The following KCNB2 variants were observed in gnomAD, a reference collection of about 807,000 sequenced individuals.
KCNB2 encodes delayed rectifier potassium channel protein.
Under a neutral mutation model 61.5 loss-of-function variants are expected in KCNB2, and 15 were observed. The observed-to-expected ratio is 0.24, with a 90% CI of 0.16 to 0.38. The LOEUF is 0.38. Among genes scored for constraint, KCNB2 ranks in the 10% least tolerant of loss-of-function variants. KCNB2 has a pLI of 1.00. For missense variants in KCNB2, 828 were observed against 1,125.2 expected, an observed-to-expected ratio of 0.74 and a Z score of 3.78; for synonymous variants, 457 against 446.0, an observed-to-expected ratio of 1.02 and a Z score of -0.31.
chr8:72,774,774 C>A (rs757418087), intron 2 of KCNB2, among the ~76,000 whole-genome samples: 17 of 151,806 alleles, frequency 1.1e-4, no homozygotes, highest in Non-Finnish European at 1.9e-4. Flanking sequence ...ATATACACTG[C>A]AATATGTTTA....
intron 2 of KCNB2, among the ~76,000 whole-genome samples, chr8:72,630,833 T>G (rs1246828442): frequency 6.6e-6 from 1 of 152,124 alleles, no homozygotes; most frequent in Non-Finnish European, 1.5e-5. Flanking sequence ...AGAAGATACA[T>G]CAGGACACCC....
At chr8:72,691,265 AC>A (rs1198644015) in intron 2 of KCNB2, among the ~76,000 whole-genome samples, 1 of 152,224 alleles carries the variant, frequency 6.6e-6, no homozygotes, top group Admixed American at 6.5e-5. Context: ...AAGTTGTGTA[AC>A]TGTGAGGACA....
At position 72,653,201 on chromosome 8, in the gene KCNB2, A is replaced by G. The variant is rs112132385; in HGVS notation, c.579+84888A>G. Among the ~76,000 whole-genome samples the G allele has an allele frequency of 2.9e-3, 434 of 152,270 alleles. 2 individuals are homozygous for G. Among genetic ancestry groups the G allele is most frequent in the African/African-American group, 0.01 (425 of 41,562 alleles). On this transcript the variant is annotated intron_variant, in intron 2 of 2. Coordinates refer to ENST00000523207, the MANE Select transcript of KCNB2 (RefSeq NM_004770.3). ...CATCCATAAAGATTCTTATTCCATT[A>G]AGGTCATATTCTGAGGTTCTCCATG...
intron 1 of KCNB2, among the ~76,000 whole-genome samples, chr8:72,557,756 T>A (rs753634501): frequency 6.6e-6 from 1 of 152,210 alleles, no homozygotes; most frequent in African/African-American, 2.4e-5. Flanking sequence ...TGGGTCTTCA[T>A]GAACACTGCC....
intron 2 of KCNB2, among the ~76,000 whole-genome samples, chr8:72,892,406 C>G (rs912561487): frequency 6.6e-6 from 1 of 152,116 alleles, no homozygotes; most frequent in African/African-American, 2.4e-5. Flanking sequence ...ATGACCTCTT[C>G]GGTAAATTAA....
chr8:72,630,206 A>G (rs754161154), intron 2 of KCNB2, among the ~76,000 whole-genome samples: 7 of 152,202 alleles, frequency 4.6e-5, no homozygotes, highest in Non-Finnish European at 8.8e-5. Flanking sequence ...AACCATCACC[A>G]TGAACTGATT....
intron 1 of KCNB2, among the ~76,000 whole-genome samples, chr8:72,542,734 G>A (rs897357755): frequency 6.6e-6 from 1 of 152,082 alleles, no homozygotes; most frequent in Non-Finnish European, 1.5e-5. Flanking sequence ...TGAAGGAAGC[G>A]ATATAAGAGT....
chr8:72,685,092 A>G (rs1374359289), intron 2 of KCNB2, among the ~76,000 whole-genome samples: 1 of 152,216 alleles, frequency 6.6e-6, no homozygotes, highest in Non-Finnish European at 1.5e-5. Context: ...CTAAAGCACA[A>G]ATGTTGGATT....
intron 2 of KCNB2, among the ~76,000 whole-genome samples, chr8:72,576,711 G>C (rs1311146968): frequency 6.6e-6 from 1 of 152,180 alleles, no homozygotes; most frequent in Non-Finnish European, 1.5e-5. Context: ...GCAACATCCA[G>C]TTCTTAACCT....
At chr8:72,567,609 GCAAGTAAC>G in intron 1 of KCNB2, 25 bp from the exon 2 acceptor site, 1 of 661,522 alleles carries the variant, frequency 1.5e-6, no homozygotes, top group South Asian at 2.2e-5. Context: ...CTAGGAAAAT[GCAAGTAAC>G]CAAGTGATTG....
At chr8:72,884,952 T>G (rs1377160169) in intron 2 of KCNB2, among the ~76,000 whole-genome samples, 3 of 152,206 alleles carry the variant, frequency 2.0e-5, no homozygotes, top group Non-Finnish European at 2.9e-5. Context: ...GGATTTCAAT[T>G]GGAATTACAG....
chr8:72,773,187 GT>G (rs1808589361), intron 2 of KCNB2, among the ~76,000 whole-genome samples: 1 of 152,170 alleles, frequency 6.6e-6, no homozygotes. Context: ...CATCTGTCGT[GT>G]GAATTATTTG....
At chr8:72,780,736 C>T (rs1224994961) in intron 2 of KCNB2, among the ~76,000 whole-genome samples, 10 of 152,080 alleles carry the variant, frequency 6.6e-5, no homozygotes, top group Non-Finnish European at 1.2e-4. Flanking sequence ...GGGTATATAT[C>T]CAGTAATGGG....
intron 2 of KCNB2, among the ~76,000 whole-genome samples, chr8:72,598,027 A>G (rs1222577918): frequency 1.3e-5 from 2 of 152,212 alleles, no homozygotes; most frequent in Non-Finnish European, 2.9e-5. Flanking sequence ...ACACATGCAT[A>G]CATGTGTTCA....
At chr8:72,612,583 G>A (rs986581081) in intron 2 of KCNB2, among the ~76,000 whole-genome samples, 2 of 152,102 alleles carry the variant, frequency 1.3e-5, no homozygotes, top group Admixed American at 6.6e-5. Flanking sequence ...TGAAAATCTG[G>A]TTCTAATTTA....
At chr8:72,932,152 G>T (rs920963455) in intron 2 of KCNB2, among the ~76,000 whole-genome samples, 1 of 152,188 alleles carries the variant, frequency 6.6e-6, no homozygotes. Context: ...ATAATGAAAT[G>T]CAGAGGAACT....
intron 2 of KCNB2, among the ~76,000 whole-genome samples, chr8:72,838,169 G>A (rs1421171863): frequency 2.0e-5 from 3 of 152,042 alleles, no homozygotes; most frequent in Non-Finnish European, 4.4e-5. Context: ...CAATGTGCAG[G>A]TTTGTTACAT....
At chr8:72,779,893 A>C (rs1808726025) in intron 2 of KCNB2, among the ~76,000 whole-genome samples, 1 of 152,130 alleles carries the variant, frequency 6.6e-6, no homozygotes, top group Non-Finnish European at 1.5e-5. Flanking sequence ...ACTGCGTTTC[A>C]GGATTATTCC....
chr8:72,822,019 A>G (rs1281885937), intron 2 of KCNB2, among the ~76,000 whole-genome samples: 3 of 152,114 alleles, frequency 2.0e-5, no homozygotes, highest in African/African-American at 4.8e-5. Context: ...CACCACCAAC[A>G]GCTCATCCCG....
Sources: gnomAD v4.1 joint callset for allele counts (sites outside exome capture counted in the v4.1 genomes callset) on GRCh38, gnomAD v4.1.1 for gene constraint, MANE v1.5 for transcripts, NCBI Gene and HGNC (gene_info 2026-07-23, HGNC 2026-07-21) for gene names.